THSD7A: variants seen among roughly 807,000 people sequenced by gnomAD.
The protein encoded by THSD7A is thrombospondin type-1 domain-containing protein 7A.
Under a neutral mutation model 231.3 loss-of-function variants are expected in THSD7A, and 96 were observed. The ratio of observed to expected loss-of-function variants is 0.41; its 90% CI spans 0.35 to 0.49. The LOEUF (loss-of-function observed/expected upper bound fraction) is 0.49, where lower values mean the gene tolerates loss of function less well. Among genes scored for constraint, THSD7A ranks in the 20% least tolerant of loss-of-function variants. The pLI is 0.05. For synonymous variants in THSD7A, 940 were observed against 743.3 expected (o/e 1.26, Z -4.30); for missense variants, 2,290 against 2,070.2 (o/e 1.11, Z -2.06).
chr7:11,561,030 T>G (rs1250542578), intron 4 of THSD7A, among the ~76,000 whole-genome samples: 1 of 152,162 alleles, frequency 6.6e-6, no homozygotes, highest in East Asian at 1.9e-4. Context: ...GTTATCCCCA[T>G]ATAGGGCAAC....
chr7:11,535,541 G>A (rs1459817597), intron 6 of THSD7A, among the ~76,000 whole-genome samples: 2 of 151,378 alleles, frequency 1.3e-5, no homozygotes, highest in African/African-American at 4.8e-5. Flanking sequence ...AGTTTTAGAC[G>A]ATCCTAATTG....
At chr7:11,513,437 G>A (rs1453748594) in intron 6 of THSD7A, among the ~76,000 whole-genome samples, 2 of 152,020 alleles carry the variant, frequency 1.3e-5, no homozygotes, top group Non-Finnish European at 2.9e-5. Context: ...ACAAAGTGAG[G>A]AACACAAAAT....
intron 4 of THSD7A, among the ~76,000 whole-genome samples, chr7:11,556,635 G>A (rs1789857948): frequency 6.6e-6 from 1 of 151,636 alleles, no homozygotes; most frequent in African/African-American, 2.4e-5. Context: ...ACTTTCTTTA[G>A]CTATTCTTTT....
chr7:11,502,479 A>T (rs1243138363), intron 6 of THSD7A, among the ~76,000 whole-genome samples: 2 of 152,242 alleles, frequency 1.3e-5, no homozygotes, highest in East Asian at 3.8e-4. Flanking sequence ...GACTGGTTCA[A>T]CATATGCAAA....
intron 7 of THSD7A, 123 bp downstream of exon 7, chr7:11,481,665 T>G: frequency 9.5e-7 from 1 of 1,052,686 alleles, no homozygotes; most frequent in Non-Finnish European, 1.3e-6. Flanking sequence ...AGATATTAAA[T>G]CTTGGATGGC....
chr7:11,377,065 C>T lies in THSD7A; in HGVS notation c.4802-408G>A, dbSNP rs4720979. On this transcript the variant is annotated intron_variant, in intron 26 of 27. Transcript: ENST00000423059. The surrounding 1 kb of genome is among the most constrained non-coding windows in gnomAD (Gnocchi z 4.5). ...AATTTTAAGAAAGTTTCTACAAACT[C>T]GAGTTAATGCATATAGGTATTTAAA... The T allele has an allele frequency of 0.017, 2,629 of 153,594 alleles. 124 individuals are homozygous for T. The highest frequency in any genetic ancestry group is 0.12 in the East Asian group (606 of 5,250). The allele number at this position is 153,594 out of a possible 1,614,324, so 9.5% of individuals were successfully genotyped here.
rs745937660 is a variant in THSD7A, at chr7:11,831,845, C to T, written c.102G>A (p.Leu34=). The T allele has an allele frequency of 1.5e-5, 19 of 1,244,258 alleles. No homozygotes were observed. The highest frequency in any genetic ancestry group is 2.9e-5 in the South Asian group (1 of 33,922). 77.1% of individuals were successfully genotyped at this position (1,244,258 alleles called of 1,614,324 possible). A position where few individuals can be genotyped will look rare whatever the true frequency, so the allele number is the denominator to read the frequency against. Reference sequence around the variant, plus strand: ...CCGGGCGTAGCAGCAGCAGCAGGAGCAGCGGCAGCGGCAGCGGCAGCGGCA... The same window carrying T: ...CCGGGCGTAGCAGCAGCAGCAGGAGTAGCGGCAGCGGCAGCGGCAGCGGCA... ...QLLPLPLPLP[L]LLLLLLRPGA... Residue 34 remains leucine, a synonymous_variant, in exon 1 of 28, where the codon CTG becomes CTA. Transcript: ENST00000423059. The surrounding 1 kb of genome is among the most constrained non-coding windows in gnomAD (Gnocchi z 5.0).
Position 11,521,488 on chromosome 7 carries a change from A to AT in THSD7A, c.1822+19930dup, listed in dbSNP as rs772473721. 1.9e-3 allele frequency among the ~76,000 whole-genome samples: 239 copies of AT among 126,160 alleles called. 25 individuals carry two copies. Among genetic ancestry groups the AT allele is most frequent in the Non-Finnish European group, 2.9e-3 (176 of 60,196 alleles). 82.8% of individuals were successfully genotyped at this position (126,160 alleles called of 152,430 possible). Reference sequence around the variant, plus strand: ...TTTTATTTTTTTATTTTATTTATTTATTTATTTATTTTTTTATTATACTCT... The same window carrying AT: ...TTTTATTTTTTTATTTTATTTATTTATTTTATTTATTTTTTTATTATACTCT... On this transcript the variant is annotated intron_variant, in intron 6 of 27. Transcript: ENST00000423059.
chr7:11,681,998 C>T (rs565079947), intron 1 of THSD7A, among the ~76,000 whole-genome samples: 4 of 152,096 alleles, frequency 2.6e-5, no homozygotes, highest in South Asian at 2.1e-4. Flanking sequence ...TTTCATAACC[C>T]ACCAAAGTAA....
chr7:11,684,796 G>T (rs1354493989), intron 1 of THSD7A, among the ~76,000 whole-genome samples: 4 of 151,864 alleles, frequency 2.6e-5, no homozygotes, highest in Admixed American at 1.3e-4. Context: ...TATCTATACT[G>T]TTCAAAGCAA....
chr7:11,623,033 C>T (rs1346216825), intron 2 of THSD7A, among the ~76,000 whole-genome samples: 1 of 152,114 alleles, frequency 6.6e-6, no homozygotes, highest in Admixed American at 6.6e-5. Flanking sequence ...GATTTTGTAA[C>T]CTGGTCAAAA....
chr7:11,727,677 G>T (rs1373922174), intron 1 of THSD7A, among the ~76,000 whole-genome samples: 1 of 151,798 alleles, frequency 6.6e-6, no homozygotes, highest in Non-Finnish European at 1.5e-5. Flanking sequence ...ATACTTAAAA[G>T]TACATTTGAT....
rs768647456 is a variant in THSD7A at position 11,630,720 on chromosome 7, G to A, written c.1022+5410C>T. Among the ~76,000 whole-genome samples the A allele has an allele frequency of 7.9e-5, 12 of 152,080 alleles. 1 individual carries two copies. Among genetic ancestry groups the A allele is most frequent in the South Asian group, 4.1e-4 (2 of 4,826 alleles). Reference sequence around the variant, plus strand: ...ATTAATTGCCCTTGTCAGACAATTCGACAAAACGAGATAGGTTCAAATGGA... The same window carrying A: ...ATTAATTGCCCTTGTCAGACAATTCAACAAAACGAGATAGGTTCAAATGGA... On this transcript the variant is annotated intron_variant, in intron 2 of 27. Coordinates refer to ENST00000423059, the MANE Select transcript of THSD7A (RefSeq NM_015204.3).
At chr7:11,569,511 A>C (rs1284946871) in intron 4 of THSD7A, among the ~76,000 whole-genome samples, 2 of 152,204 alleles carry the variant, frequency 1.3e-5, no homozygotes, top group African/African-American at 2.4e-5. Flanking sequence ...GCTACTATTA[A>C]ATTGAGAAAA....
intron 6 of THSD7A, among the ~76,000 whole-genome samples, chr7:11,503,828 C>T (rs933904159): frequency 2.6e-5 from 4 of 152,026 alleles, no homozygotes; most frequent in African/African-American, 9.7e-5. Context: ...GGCAAGGTTG[C>T]AGAGAAAAGG....
At chr7:11,384,496 A>T (rs1331510487) in intron 23 of THSD7A, 1 of 151,920 alleles carries the variant, frequency 6.6e-6, no homozygotes, top group Non-Finnish European at 1.5e-5. Flanking sequence ...TTTGTTCTTC[A>T]TCTTTAGGTC....
chr7:11,727,153 A>G (rs1169581996), intron 1 of THSD7A, among the ~76,000 whole-genome samples: 1 of 151,982 alleles, frequency 6.6e-6, no homozygotes, highest in Admixed American at 6.6e-5. Context: ...GAATATTCTT[A>G]TTTTACCAGG....
chr7:11,563,337 T>C (rs555718350), intron 4 of THSD7A, among the ~76,000 whole-genome samples: 8 of 152,292 alleles, frequency 5.3e-5, no homozygotes, highest in African/African-American at 1.9e-4. Flanking sequence ...CCTTTTTAGC[T>C]ACGATAACTC....
intron 1 of THSD7A, among the ~76,000 whole-genome samples, chr7:11,777,875 A>G (rs7803575): frequency 6.6e-6 from 1 of 151,600 alleles, no homozygotes; most frequent in Non-Finnish European, 1.5e-5. Context: ...CCTGGCCGGG[A>G]GCGGTGGCTC....
Sources: allele counts gnomAD v4.1 joint callset (sites outside exome capture counted in the v4.1 genomes callset), GRCh38; gene constraint gnomAD v4.1.1; non-coding constraint Gnocchi (gnomAD v3.1); transcripts MANE v1.5; gene names NCBI Gene and HGNC (gene_info 2026-07-23, HGNC 2026-07-21).